The following KCNB2 variants were observed in gnomAD, a reference collection of about 807,000 sequenced individuals.
The protein encoded by KCNB2 is delayed rectifier potassium channel protein.
Under a neutral mutation model 61.5 loss-of-function variants are expected in KCNB2, and 15 were observed. That is an observed-to-expected ratio of 0.24 (90% CI 0.16 to 0.38). The LOEUF is 0.38. Among genes scored for constraint, KCNB2 ranks in the 10% least tolerant of loss-of-function variants. The pLI, the probability that KCNB2 is intolerant of heterozygous loss-of-function variation, is 1.00. For missense variants in KCNB2, 828 were observed against 1,125.2 expected (o/e 0.74, Z 3.78); for synonymous variants, 457 against 446.0 (o/e 1.02, Z -0.31).
At chr8:72,739,004 C>A (rs922923749) in intron 2 of KCNB2, among the ~76,000 whole-genome samples, 1 of 151,896 alleles carries the variant, frequency 6.6e-6, no homozygotes, top group Non-Finnish European at 1.5e-5. Flanking sequence ...TTAAAAGATT[C>A]TTTTCTTTCT....
At chr8:72,771,931 G>A (rs1475314428) in intron 2 of KCNB2, among the ~76,000 whole-genome samples, 19 of 152,164 alleles carry the variant, frequency 1.2e-4, no homozygotes. Context: ...TTAGTATCAA[G>A]AAGATTCCAT....
intron 2 of KCNB2, among the ~76,000 whole-genome samples, chr8:72,585,112 T>A (rs1242012858): frequency 6.6e-6 from 1 of 152,208 alleles, no homozygotes; most frequent in Non-Finnish European, 1.5e-5. Context: ...GATTTAATAC[T>A]TGTGACATGG....
chr8:72,727,789 T>C (rs979416288), intron 2 of KCNB2, among the ~76,000 whole-genome samples: 2 of 152,178 alleles, frequency 1.3e-5, no homozygotes, highest in Admixed American at 6.5e-5. Flanking sequence ...ACACAGAATG[T>C]AACATTGAAG....
At chr8:72,843,823 T>TG (rs1429481055) in intron 2 of KCNB2, among the ~76,000 whole-genome samples, 1 of 152,330 alleles carries the variant, frequency 6.6e-6, no homozygotes, top group East Asian at 1.9e-4. Flanking sequence ...TTTGAGCCTA[T>TG]GTATGTCTTT....
chr8:72,604,652 A>G (rs1416518053), intron 2 of KCNB2, among the ~76,000 whole-genome samples: 1 of 152,210 alleles, frequency 6.6e-6, no homozygotes, highest in Non-Finnish European at 1.5e-5. Context: ...GCTCAAAAAG[A>G]TGTTTTTAAT....
At chr8:72,907,245 TACTCGGG>T (rs1456482086) in intron 2 of KCNB2, among the ~76,000 whole-genome samples, 1 of 152,082 alleles carries the variant, frequency 6.6e-6, no homozygotes, top group Non-Finnish European at 1.5e-5. Flanking sequence ...TAGTTCCAGC[TACTCGGG>T]AGTCTGAGGC....
chr8:72,712,517 CA>C (rs1290596870), intron 2 of KCNB2, among the ~76,000 whole-genome samples: 4 of 152,228 alleles, frequency 2.6e-5, no homozygotes, highest in Admixed American at 6.5e-5. Context: ...AATTATGTAA[CA>C]GGAGCTATCA....
intron 1 of KCNB2, among the ~76,000 whole-genome samples, chr8:72,544,504 C>T (rs1806232361): frequency 6.6e-6 from 1 of 152,120 alleles, no homozygotes; most frequent in African/African-American, 2.4e-5. Context: ...AGGAGTCTTT[C>T]AAGGAATACA....
chr8:72,597,268 T>G (rs917928238), intron 2 of KCNB2, among the ~76,000 whole-genome samples: 6 of 152,082 alleles, frequency 3.9e-5, no homozygotes, highest in African/African-American at 1.2e-4. Context: ...TCTCCCTACC[T>G]CGTGATCTGC....
intron 2 of KCNB2, among the ~76,000 whole-genome samples, chr8:72,762,378 T>G (rs935982413): frequency 6.6e-6 from 1 of 152,232 alleles, no homozygotes; most frequent in Non-Finnish European, 1.5e-5. Flanking sequence ...TTAATATTGC[T>G]GAAAGCAAAA....
chr8:72,917,077 T>G (rs1171923293), intron 2 of KCNB2, among the ~76,000 whole-genome samples: 1 of 152,210 alleles, frequency 6.6e-6, no homozygotes, highest in Non-Finnish European at 1.5e-5. Context: ...AGACCCACCC[T>G]CTTCCACCCA....
At chr8:72,605,481 A>G (rs1378237113) in intron 2 of KCNB2, among the ~76,000 whole-genome samples, 1 of 152,198 alleles carries the variant, frequency 6.6e-6, no homozygotes, top group Non-Finnish European at 1.5e-5. Flanking sequence ...ATAGGAGAAA[A>G]AGAGAATAGG....
intron 2 of KCNB2, among the ~76,000 whole-genome samples, chr8:72,773,891 A>T (rs1808604664): frequency 6.6e-6 from 1 of 152,150 alleles, no homozygotes; most frequent in South Asian, 2.1e-4. Context: ...GAGATATAAT[A>T]ATTAGTGAGA....
intron 2 of KCNB2, among the ~76,000 whole-genome samples, chr8:72,895,626 A>C (rs916992921): frequency 6.6e-6 from 1 of 152,194 alleles, no homozygotes; most frequent in Admixed American, 6.5e-5. Flanking sequence ...CAACAGAATA[A>C]AGTTGCATGT....
intron 2 of KCNB2, among the ~76,000 whole-genome samples, chr8:72,898,427 A>G (rs1806027253): frequency 6.6e-6 from 1 of 151,714 alleles, no homozygotes. Context: ...ATGTACCCTA[A>G]ACTTAAAATA....
At chr8:72,697,461 A>C (rs2128990684) in intron 2 of KCNB2, among the ~76,000 whole-genome samples, 1 of 152,290 alleles carries the variant, frequency 6.6e-6, no homozygotes. Context: ...GCTCCCTAAA[A>C]ATTGGACTTA....
chr8:72,708,608 A>G (rs1448985454), intron 2 of KCNB2, among the ~76,000 whole-genome samples: 2 of 152,174 alleles, frequency 1.3e-5, no homozygotes, highest in East Asian at 3.9e-4. Flanking sequence ...CAGACATTTT[A>G]CCCTTTAACA....
At chr8:72,932,026 C>CA (rs397970442) in intron 2 of KCNB2, among the ~76,000 whole-genome samples, 10 of 151,156 alleles carry the variant, frequency 6.6e-5, no homozygotes, top group Non-Finnish European at 8.8e-5. Flanking sequence ...AACAAACAAA[C>CA]AAAAAAAACT....
intron 2 of KCNB2, among the ~76,000 whole-genome samples, chr8:72,588,307 A>G (rs1473935387): frequency 1.4e-5 from 2 of 141,456 alleles, no homozygotes; most frequent in African/African-American, 5.3e-5. Context: ...CATCCTCCCC[A>G]TCCCAGGTTC....
Sources: gnomAD v4.1 joint callset for allele counts (sites outside exome capture counted in the v4.1 genomes callset) on GRCh38, gnomAD v4.1.1 for gene constraint, MANE v1.5 for transcripts, NCBI Gene and HGNC (gene_info 2026-07-23, HGNC 2026-07-21) for gene names.